Variants in NIPAL1 observed in about 807,000 individuals in gnomAD.
NIPAL1 encodes NIPA like domain containing 1.
Under a neutral mutation model 37.7 loss-of-function variants are expected in NIPAL1, and 35 were observed. The observed-to-expected ratio is 0.93, with a 90% confidence interval of 0.71 to 1.23. The LOEUF is 1.23. Ranked by LOEUF, NIPAL1 falls within the 50% of genes most tolerant of loss-of-function variation. NIPAL1 has a pLI of 0.00. For synonymous variants in NIPAL1, 162 were observed against 183.0 expected (o/e 0.89, Z 0.93); for missense variants, 412 against 473.9 (o/e 0.87, Z 1.21).
Position 48,035,707 on chromosome 4 carries a change from C to A in NIPAL1, c.768C>A (p.Gly256=). 2 of 1,614,064 alleles carry A rather than the reference C, an allele frequency of 1.2e-6. No individual in the cohort carries two copies. Among genetic ancestry groups the A allele is most frequent in the Non-Finnish European group, 1.7e-6 (2 of 1,179,984 alleles). Residue 256 remains glycine (G), a synonymous_variant, in exon 6 of 6, where the codon GGC becomes GGA. Transcript: ENST00000295461. Reference sequence around the variant, plus strand: ...CGTTTTCAGTTTCTTCTGTGAAAGGCCTGGGAATTGCCATTAAGGAGCTGA... The same window carrying A: ...CGTTTTCAGTTTCTTCTGTGAAAGGACTGGGAATTGCCATTAAGGAGCTGA... The part of the protein sequence containing the change: ...IGAFSVSSVK[G]LGIAIKELIE...
chr4:48,028,332 AC>A (rs1487690856), intron 2 of NIPAL1, among the ~76,000 whole-genome samples: 8 of 152,132 alleles, frequency 5.3e-5, no homozygotes, highest in Non-Finnish European at 1.0e-4. Flanking sequence ...GGGAACGGCT[AC>A]CCTATTCAAC....
At position 48,034,929 on chromosome 4, in the gene NIPAL1, GA is replaced by G. The variant is rs1289446759; in HGVS notation, c.514del (p.Ile172Ter). 6.2e-7 allele frequency: 1 copy of G among 1,613,198 alleles called. No individual in the cohort carries two copies. The highest frequency in any genetic ancestry group is 1.1e-5 in the South Asian group (1 of 91,060). On this transcript the variant is annotated frameshift_variant, in exon 5 of 6. Transcript: ENST00000295461. LOFTEE classifies it high-confidence loss of function. Reference protein sequence around the residue: ...FLNEHLNIHGKIGCILSILGS... With the variant: ...FLNEHLNIHGXIGCILSILGS... ...TAAACGAGCACTTGAACATTCATGG[GA>G]AAATAGGCTGCATATTAAGTATATT...
intron 5 of NIPAL1, 69 bp from the exon 6 acceptor site, chr4:48,035,493 A>G (rs749520392): frequency 7.0e-7 from 1 of 1,435,400 alleles, no homozygotes; most frequent in Non-Finnish European, 9.6e-7. Flanking sequence ...ACTCATGACT[A>G]ACAAGATTTC....
chr4:48,026,010 T>A (rs913769339), intron 2 of NIPAL1, among the ~76,000 whole-genome samples: 1 of 152,116 alleles, frequency 6.6e-6, no homozygotes, highest in Non-Finnish European at 1.5e-5. Flanking sequence ...TCCTTGACCA[T>A]CCTCTCACAG....
chr4:48,028,505 A>C (rs1214518196), intron 2 of NIPAL1, among the ~76,000 whole-genome samples: 1 of 152,182 alleles, frequency 6.6e-6, no homozygotes, highest in Non-Finnish European at 1.5e-5. Context: ...TTTTCTGGAC[A>C]TTGGCCTAGG....
In NIPAL1 at chr4:48,037,265, G is replaced by T. The variant is rs187710865; in HGVS notation, c.*1093G>T. On this transcript the variant is annotated 3_prime_UTR_variant, in exon 6 of 6. Transcript: ENST00000295461. ...TCTTCTCACAAAAACACAGACACGT[G>T]ATTGTTTTCACAGGTTCCATTAATT... 3.9e-4 allele frequency: 170 copies of T among 437,552 alleles called. 3 individuals carry two copies. The East Asian group carries it at 0.011, about 27-fold the overall frequency. 27.1% of individuals were successfully genotyped at this position (437,552 alleles called of 1,614,324 possible). A position where few individuals can be genotyped will look rare whatever the true frequency, so the allele number is the denominator to read the frequency against.
Position 48,037,318 on chromosome 4 carries a change from A to G in NIPAL1, c.*1146A>G. ...CTCAGGTCTGGAAGACATAGGACAA[A>G]ATGGAGTTTCTGAAGAAGTCCAGGT... is the stretch of plus-strand genomic sequence containing the variant. On this transcript the variant is annotated 3_prime_UTR_variant, in exon 6 of 6. Coordinates refer to ENST00000295461, the MANE Select transcript of NIPAL1 (RefSeq NM_207330.3). The G allele has an allele frequency of 2.5e-6, 1 of 407,610 alleles. No homozygotes were observed. Among genetic ancestry groups the G allele is most frequent in the Admixed American group, 3.0e-5 (1 of 33,590 alleles). 25.2% of individuals were successfully genotyped at this position (407,610 alleles called of 1,614,324 possible).
chr4:48,017,792 G>T (rs1715472118), intron 1 of NIPAL1, among the ~76,000 whole-genome samples: 2 of 152,036 alleles, frequency 1.3e-5, no homozygotes. Flanking sequence ...TGCAGTAAAG[G>T]GGAAGGGAGG....
chr4:48,017,016 A>G, intron 1 of NIPAL1, 131 bp downstream of exon 1: 2 of 739,026 alleles, frequency 2.7e-6, no homozygotes, highest in South Asian at 3.7e-5. Context: ...TCACTCATTC[A>G]TTCATTCAGT....
intron 5 of NIPAL1, 130 bp from the exon 6 acceptor site, chr4:48,035,432 G>A: frequency 1.2e-6 from 1 of 833,034 alleles, no homozygotes. Context: ...GCAATAGAAT[G>A]TTGTTTTTAA....
At chr4:48,024,812 G>A (rs1428915990) in intron 1 of NIPAL1, among the ~76,000 whole-genome samples, 1 of 109,660 alleles carries the variant, frequency 9.1e-6, no homozygotes, top group Non-Finnish European at 1.9e-5. Flanking sequence ...CGAATTTATA[G>A]GGGGAATCCA....
intron 3 of NIPAL1, among the ~76,000 whole-genome samples, chr4:48,031,190 G>A (rs758116111): frequency 1.3e-4 from 20 of 151,848 alleles, no homozygotes; most frequent in Admixed American, 4.6e-4. Flanking sequence ...TCAGCCTCCC[G>A]AGTACCTGGG....
chr4:48,032,688 TAG>T lies in NIPAL1; in HGVS notation c.371-302_371-301del, dbSNP rs141193724. On this transcript the variant is annotated intron_variant, in intron 3 of 5. Transcript: ENST00000295461. ...CAAAGCTACCTCTACTAGATTTCAT[TAG>T]AGTCACCAAATATGTCTTCAATATT... is the stretch of plus-strand genomic sequence containing the variant. Among the ~76,000 whole-genome samples, 1,111 of 152,350 alleles carry T rather than the reference TAG, an allele frequency of 7.3e-3. 12 individuals carry two copies. The highest frequency in any genetic ancestry group is 0.024 in the African/African-American group (1,018 of 41,584).
At chr4:48,032,001 A>G (rs1390319226) in intron 3 of NIPAL1, among the ~76,000 whole-genome samples, 1 of 152,130 alleles carries the variant, frequency 6.6e-6, no homozygotes, top group East Asian at 1.9e-4. Context: ...TGCCTCCCAA[A>G]GTGCTGGGAT....
chr4:48,031,353 G>T (rs115046553), intron 3 of NIPAL1, among the ~76,000 whole-genome samples: 2,342 of 152,120 alleles, frequency 0.015, 36 homozygotes, highest in Middle Eastern at 0.037. Context: ...GAGCCACCAC[G>T]CCCGGCCACC....
rs1715979953 is a variant in NIPAL1 at position 48,037,489 on chromosome 4, CA to C, written c.*1320del. 5.6e-6 allele frequency: 1 copy of C among 178,050 alleles called. No homozygotes were observed. The highest frequency in any genetic ancestry group is 2.4e-5 in the African/African-American group (1 of 41,862). 11.0% of individuals were successfully genotyped at this position (178,050 alleles called of 1,614,324 possible). On this transcript the variant is annotated 3_prime_UTR_variant, in exon 6 of 6. Transcript: ENST00000295461. ...TTATATCCTACATTTCGATTGCTCT[CA>C]AATGTTTTATCCCTAAAGAGTGAGT... is the stretch of plus-strand genomic sequence containing the variant.
In NIPAL1 at chr4:48,038,970, CAATG is replaced by C. The variant is rs552435142; in HGVS notation, c.*2801_*2804del. 1.3e-5 allele frequency: 2 copies of C among 151,726 alleles called. No individual in the cohort carries two copies. The highest frequency in any genetic ancestry group is 2.9e-5 in the Non-Finnish European group (2 of 67,958). 9.4% of individuals were successfully genotyped at this position (151,726 alleles called of 1,614,324 possible). ...TAATGAGTTGAAGTATGCTGAGAAA[CAATG>C]AAATATTTGAAAACTGTCTACATAA... On this transcript the variant is annotated 3_prime_UTR_variant, in exon 6 of 6. Coordinates refer to ENST00000295461, the MANE Select transcript of NIPAL1 (RefSeq NM_207330.3).
intron 1 of NIPAL1, among the ~76,000 whole-genome samples, chr4:48,022,718 G>T (rs1715598614): frequency 6.6e-6 from 1 of 152,146 alleles, no homozygotes; most frequent in East Asian, 1.9e-4. Flanking sequence ...CCTTCTTGGG[G>T]CTTAGATGAG....
chr4:48,023,073 G>GTTTTGTTTTTGT (rs60567859), intron 1 of NIPAL1, among the ~76,000 whole-genome samples: 2 of 151,162 alleles, frequency 1.3e-5, no homozygotes, highest in African/African-American at 4.9e-5. Context: ...TCTTTGTTTT[G>GTTTTGTTTTTGT]TTTTGTTTTT....
Sources: allele counts gnomAD v4.1 joint callset (sites outside exome capture counted in the v4.1 genomes callset), GRCh38; gene constraint gnomAD v4.1.1; transcripts MANE v1.5; gene names NCBI Gene and HGNC (gene_info 2026-07-23, HGNC 2026-07-21).